Variants in FNDC3B observed in about 807,000 individuals in gnomAD.
The protein encoded by FNDC3B is fibronectin type III domain containing 3B, also known as fibronectin type III domain-containing protein 3B.
Under a neutral mutation model 151.5 loss-of-function variants are expected in FNDC3B, and 12 were observed. The observed-to-expected ratio is 0.08, with a 90% confidence interval of 0.05 to 0.13. FNDC3B has a LOEUF of 0.13. Ranked by LOEUF, FNDC3B falls within the 10% of genes least tolerant of loss-of-function variation. The probability of loss-of-function intolerance (pLI) is 1.00; values close to 1 mark genes in which losing one functional copy is unlikely to be tolerated. For missense variants in FNDC3B, 1,214 were observed against 1,505.3 expected, an observed-to-expected ratio of 0.81 and a Z score of 3.20; for synonymous variants, 528 against 549.0, an observed-to-expected ratio of 0.96 and a Z score of 0.54.
intron 3 of FNDC3B, among the ~76,000 whole-genome samples, chr3:172,144,837 G>A (rs1576905621): frequency 6.6e-6 from 1 of 152,108 alleles, no homozygotes; most frequent in Middle Eastern, 3.4e-3. Context: ...GAGTTAATGG[G>A]GAATATGCTT....
At chr3:172,321,702 G>A (rs766577003) in intron 11 of FNDC3B, 11 of 199,302 alleles carry the variant, frequency 5.5e-5, no homozygotes, top group Non-Finnish European at 7.8e-5. Flanking sequence ...CACCACACCC[G>A]GCTAATTATT....
chr3:172,328,229 A>C (rs1172916960), intron 11 of FNDC3B, among the ~76,000 whole-genome samples: 2 of 152,256 alleles, frequency 1.3e-5, no homozygotes, highest in African/African-American at 2.4e-5. Flanking sequence ...ACTGTAATAT[A>C]CATAGATTAA....
At chr3:172,137,721 G>T (rs1721441465) in intron 3 of FNDC3B, among the ~76,000 whole-genome samples, 1 of 152,166 alleles carries the variant, frequency 6.6e-6, no homozygotes, top group South Asian at 2.1e-4. Context: ...CATACAATAT[G>T]CTGTGAACGC....
At chr3:172,086,227 G>A (rs959204485) in intron 1 of FNDC3B, among the ~76,000 whole-genome samples, 8 of 152,050 alleles carry the variant, frequency 5.3e-5, no homozygotes, top group Non-Finnish European at 8.8e-5. Context: ...GGGTATGGTG[G>A]CACACACCTG....
chr3:172,088,324 T>C (rs1718651814), intron 1 of FNDC3B, among the ~76,000 whole-genome samples: 1 of 152,170 alleles, frequency 6.6e-6, no homozygotes, highest in African/African-American at 2.4e-5. Context: ...ATGTTGCAAA[T>C]AAATGTAGAC....
intron 3 of FNDC3B, among the ~76,000 whole-genome samples, chr3:172,215,672 C>G (rs1013972798): frequency 6.6e-6 from 1 of 152,074 alleles, no homozygotes; most frequent in African/African-American, 2.4e-5. Flanking sequence ...TGCAGTGAGC[C>G]GAGATTGCGC....
At chr3:172,169,304 C>T (rs757359270) in intron 3 of FNDC3B, among the ~76,000 whole-genome samples, 9 of 152,192 alleles carry the variant, frequency 5.9e-5, no homozygotes, top group Admixed American at 5.2e-4. Context: ...AGCGGCGCTC[C>T]GGAATGTGCT....
At chr3:172,274,104 G>A (rs943085802) in intron 6 of FNDC3B, among the ~76,000 whole-genome samples, 1 of 152,132 alleles carries the variant, frequency 6.6e-6, no homozygotes, top group Non-Finnish European at 1.5e-5. Flanking sequence ...ACATATTACC[G>A]ATGCTTTGGC....
At chr3:172,317,760 T>C (rs1731884278) in intron 11 of FNDC3B, among the ~76,000 whole-genome samples, 1 of 152,230 alleles carries the variant, frequency 6.6e-6, no homozygotes, top group Non-Finnish European at 1.5e-5. Context: ...AGAACAATCA[T>C]GTATAAGGAA....
intron 9 of FNDC3B, 51 bp from the exon 10 acceptor site, chr3:172,307,312 T>C: frequency 6.3e-7 from 1 of 1,596,260 alleles, no homozygotes; most frequent in Non-Finnish European, 8.6e-7. Flanking sequence ...ATAAGAATCC[T>C]GGTCTTCTAT....
chr3:172,085,227 T>G (rs1718488449), intron 1 of FNDC3B, among the ~76,000 whole-genome samples: 1 of 152,232 alleles, frequency 6.6e-6, no homozygotes, highest in Non-Finnish European at 1.5e-5. Context: ...TTTTTGCGTT[T>G]GGTTTTGTAG....
chr3:172,379,806 C>T (rs1050823416), intron 24 of FNDC3B, among the ~76,000 whole-genome samples: 3 of 152,082 alleles, frequency 2.0e-5, no homozygotes, highest in African/African-American at 7.2e-5. Context: ...CTATCTTTGC[C>T]TCTCAAAGTG....
At position 172,251,380 on chromosome 3, in the gene FNDC3B, C is replaced by T; in HGVS notation, c.629C>T (p.Pro210Leu). ...IDRQNRLNSP[P>L]SSIYKSSCTT... ...CGCCAGAACCGCCTCAACAGCCCTC[C>T]TTCTTCTATCTACAAAAGCAGCTGC... Residue 210 changes from proline (P) to leucine (L), a missense_variant, in exon 6 of 26, where the codon CCT (proline) becomes CTT (leucine). This residue lies in a region of FNDC3B where 166 missense variants were observed against 173.2 expected (regional missense o/e 0.96). Coordinates refer to ENST00000415807, the MANE Select transcript of FNDC3B (RefSeq NM_022763.4). 6.2e-7 allele frequency: 1 copy of T among 1,614,114 alleles called. No homozygotes were observed. Among genetic ancestry groups the T allele is most frequent in the Non-Finnish European group, 8.5e-7 (1 of 1,180,004 alleles).
chr3:172,321,131 G>A (rs903259770), intron 11 of FNDC3B, among the ~76,000 whole-genome samples: 5 of 152,156 alleles, frequency 3.3e-5, no homozygotes, highest in Non-Finnish European at 7.4e-5. Context: ...AGAGAGAGGT[G>A]GAAAGCTGGT....
chr3:172,068,473 G>T (rs1488007317), intron 1 of FNDC3B, among the ~76,000 whole-genome samples: 1 of 146,688 alleles, frequency 6.8e-6, no homozygotes, highest in African/African-American at 2.5e-5. Context: ...TCCCAGGCTG[G>T]AGTGCAGTGG....
chr3:172,157,050 G>A (rs1722522691), intron 3 of FNDC3B, among the ~76,000 whole-genome samples: 1 of 152,182 alleles, frequency 6.6e-6, no homozygotes, highest in Admixed American at 6.5e-5. Flanking sequence ...AATTATACAA[G>A]CAGTGTCATA....
intron 13 of FNDC3B, among the ~76,000 whole-genome samples, chr3:172,331,791 A>T (rs1732688610): frequency 6.6e-6 from 1 of 152,112 alleles, no homozygotes; most frequent in Non-Finnish European, 1.5e-5. Context: ...GTCTGTTCTC[A>T]TATGTCATTT....
intron 24 of FNDC3B, 61 bp downstream of exon 24, chr3:172,378,497 TAG>T (rs1223563445): frequency 6.6e-5 from 92 of 1,399,384 alleles, no homozygotes; most frequent in Non-Finnish European, 8.3e-5. Context: ...TTGGGACTTA[TAG>T]AAAGAAGCTC....
intron 10 of FNDC3B, among the ~76,000 whole-genome samples, chr3:172,308,689 A>C (rs1341394420): frequency 2.0e-5 from 3 of 152,152 alleles, no homozygotes; most frequent in Non-Finnish European, 2.9e-5. Flanking sequence ...CAAAGTTTAA[A>C]CTGGCTTAGA....
Sources: gnomAD v4.1 joint callset for allele counts (sites outside exome capture counted in the v4.1 genomes callset) on GRCh38, gnomAD v4.1.1 for gene constraint, gnomAD v4.1.1 regional missense constraint, MANE v1.5 for transcripts, NCBI Gene and HGNC (gene_info 2026-07-23, HGNC 2026-07-21) for gene names.